Variants in NOL4L observed in about 807,000 individuals in gnomAD.
NOL4L encodes the protein nucleolar protein 4 like.
NOL4L carries 7 observed loss-of-function variants against 64.5 expected under a neutral mutation model. That is an observed-to-expected ratio of 0.11 (90% CI 0.06 to 0.20). NOL4L has a LOEUF of 0.20. Ranked by LOEUF, NOL4L falls within the 10% of genes least tolerant of loss-of-function variation. The probability of loss-of-function intolerance (pLI) is 1.00; values close to 1 mark genes in which losing one functional copy is unlikely to be tolerated. For synonymous variants in NOL4L, 413 were observed against 401.0 expected, an observed-to-expected ratio of 1.03 and a Z score of -0.36; for missense variants, 680 against 967.1, an observed-to-expected ratio of 0.70 and a Z score of 3.94.
chr20:32,560,788 C>T (rs549177281), intron 1 of NOL4L, among the ~76,000 whole-genome samples: 2 of 152,368 alleles, frequency 1.3e-5, no homozygotes, highest in East Asian at 1.9e-4. Flanking sequence ...GGATGGGGGA[C>T]GGACAGACTG....
At chr20:32,575,257 C>A (rs187876305) in intron 1 of NOL4L, among the ~76,000 whole-genome samples, 3 of 152,224 alleles carry the variant, frequency 2.0e-5, no homozygotes, top group Admixed American at 2.0e-4. Context: ...CCCTTCAGGA[C>A]CCCACTGTGG....
At position 32,452,222 on chromosome 20, in the gene NOL4L, C is replaced by T. The variant is rs776178605; in HGVS notation, c.1822+14G>A. 6.6e-7 allele frequency: 1 copy of T among 1,512,120 alleles called. No individual in the cohort carries two copies. The highest frequency in any genetic ancestry group is 1.3e-5 in the South Asian group (1 of 75,554). 93.7% of individuals were successfully genotyped at this position (1,512,120 alleles called of 1,614,324 possible). ...CTGGTCGGGAAGCCAGAGCCCAGGC[C>T]TCCCCCGACTCACCATTACTGTGGT... On this transcript the variant is annotated intron_variant, in intron 10 of 10. Transcript: ENST00000621426.
At chr20:32,500,576 C>A (rs1051089305) in intron 4 of NOL4L, among the ~76,000 whole-genome samples, 6 of 134,426 alleles carry the variant, frequency 4.5e-5, no homozygotes, top group African/African-American at 1.3e-4. Flanking sequence ...ATGGTTTCAT[C>A]GTGTTAGCCA....
In NOL4L at chr20:32,509,986, G is replaced by A. The variant is rs577308809; in HGVS notation, c.699+1361C>T. On this transcript the variant is annotated intron_variant, in intron 4 of 10. Transcript: ENST00000621426. The stretch of plus-strand genomic sequence containing the variant: ...AGATTGCTCTTCAGTGGCAGTGAGA[G>A]GAGACCTAATGCAGAGGCTGCACAG... 1.0e-3 allele frequency: 1,294 copies of A among 1,280,226 alleles called. 1 individual carries two copies. The highest frequency in any genetic ancestry group is 1.1e-3 in the Non-Finnish European group (1,039 of 967,482). The allele number at this position is 1,280,226 out of a possible 1,614,324, so 79.3% of individuals were successfully genotyped here.
intron 1 of NOL4L, among the ~76,000 whole-genome samples, chr20:32,536,828 G>C (rs1322451948): frequency 1.7e-5 from 2 of 117,714 alleles, no homozygotes; most frequent in African/African-American, 7.0e-5. Context: ...CAACGGGGCG[G>C]GGGGGGGACA....
intron 4 of NOL4L, among the ~76,000 whole-genome samples, chr20:32,479,771 T>C (rs2015609444): frequency 6.6e-6 from 1 of 152,172 alleles, no homozygotes; most frequent in Admixed American, 6.5e-5. Context: ...CAAAGCCAAA[T>C]GCTCTTCTGA....
chr20:32,469,404 CTT>C (rs1383360445), intron 5 of NOL4L, among the ~76,000 whole-genome samples: 3 of 145,718 alleles, frequency 2.1e-5, no homozygotes, highest in African/African-American at 7.6e-5. Context: ...GAGTTTTGCT[CTT>C]GTTACTCAGG....
chr20:32,532,955 C>G (rs1418433566), intron 1 of NOL4L, among the ~76,000 whole-genome samples: 1 of 152,138 alleles, frequency 6.6e-6, no homozygotes, highest in African/African-American at 2.4e-5. Flanking sequence ...CCTGCCAGAG[C>G]CAGGCCAACA....
chr20:32,545,694 T>A (rs2018722550), intron 1 of NOL4L, among the ~76,000 whole-genome samples: 1 of 152,156 alleles, frequency 6.6e-6, no homozygotes, highest in Admixed American at 6.5e-5. Flanking sequence ...ATCCCATCCA[T>A]CAGCAAGTTC....
At chr20:32,523,421 G>T (rs2018014435) in intron 2 of NOL4L, among the ~76,000 whole-genome samples, 1 of 152,166 alleles carries the variant, frequency 6.6e-6, no homozygotes, top group African/African-American at 2.4e-5. Flanking sequence ...CCTTCAGCAG[G>T]CATCTTCTGA....
At chr20:32,545,802 C>T (rs1291165227) in intron 1 of NOL4L, among the ~76,000 whole-genome samples, 5 of 152,150 alleles carry the variant, frequency 3.3e-5, no homozygotes, top group African/African-American at 4.8e-5. Context: ...GTTATTCTAG[C>T]GTGCTGAGTC....
At position 32,444,752 on chromosome 20, in the gene NOL4L, A is replaced by T. The variant is rs191323258; in HGVS notation, c.*2844T>A. The T allele has an allele frequency of 6.6e-6, 1 of 152,206 alleles. No homozygotes were observed. Among genetic ancestry groups the T allele is most frequent in the Non-Finnish European group, 1.5e-5 (1 of 68,038 alleles). The allele number at this position is 152,206 out of a possible 1,614,324, so 9.4% of individuals were successfully genotyped here. A position where few individuals can be genotyped will look rare whatever the true frequency, so the allele number is the denominator to read the frequency against. ...TTTCCTTTTTAACTTAGGATCCCAA[A>T]TGATCACTTTGTGCCCTGAGGCCCT... On this transcript the variant is annotated 3_prime_UTR_variant, in exon 11 of 11. Transcript: ENST00000621426.
At chr20:32,475,429 G>T in intron 4 of NOL4L, 2 of 713,968 alleles carry the variant, frequency 2.8e-6, no homozygotes, top group South Asian at 1.3e-4. Flanking sequence ...GGGCCTGGGG[G>T]GCCGCCAGGG....
intron 1 of NOL4L, among the ~76,000 whole-genome samples, chr20:32,538,301 A>G (rs2018587182): frequency 2.6e-5 from 4 of 152,096 alleles, no homozygotes; most frequent in Non-Finnish European, 4.4e-5. Context: ...CCCACCCACA[A>G]TCAGGCCCAG....
chr20:32,564,564 G>C (rs1248138162), intron 1 of NOL4L, among the ~76,000 whole-genome samples: 2 of 152,202 alleles, frequency 1.3e-5, no homozygotes, highest in Non-Finnish European at 2.9e-5. Flanking sequence ...GAAACTGAGG[G>C]CAGAAAGCTA....
At position 32,463,513 on chromosome 20, in the gene NOL4L, G is replaced by A. The variant is rs535713417; in HGVS notation, c.842-7118C>T. ...GGCCCTCCCCACTGTGGCAAAGGGC[G>A]ACTCCTTCATCTGGGCAGGACCCGG... On this transcript the variant is annotated intron_variant, in intron 5 of 10. Coordinates refer to ENST00000621426, the MANE Select transcript of NOL4L (RefSeq NM_001256798.2). This position sits in a 1 kb window ranked among gnomAD's most constrained non-coding sequence, Gnocchi z 5.8. Among the ~76,000 whole-genome samples the A allele has an allele frequency of 6.6e-6, 1 of 152,202 alleles. No homozygotes were observed. Among genetic ancestry groups the A allele is most frequent in the Non-Finnish European group, 1.5e-5 (1 of 68,024 alleles).
intron 3 of NOL4L, among the ~76,000 whole-genome samples, chr20:32,520,452 G>A (rs984775269): frequency 6.6e-6 from 1 of 152,128 alleles, no homozygotes; most frequent in Non-Finnish European, 1.5e-5. Flanking sequence ...CCAGACCCTC[G>A]TGCATGGAGA....
At chr20:32,495,950 T>TG (rs1192050162) in intron 4 of NOL4L, among the ~76,000 whole-genome samples, 1 of 152,066 alleles carries the variant, frequency 6.6e-6, no homozygotes, top group Non-Finnish European at 1.5e-5. Context: ...AGATGACTCG[T>TG]GGGGCAGAGG....
chr20:32,455,636 T>C (rs1038210370), intron 6 of NOL4L, among the ~76,000 whole-genome samples: 4 of 152,116 alleles, frequency 2.6e-5, no homozygotes, highest in African/African-American at 9.7e-5. Flanking sequence ...GTGCCCACCC[T>C]TACCACCGTC....
Sources: gnomAD v4.1 joint callset for allele counts (sites outside exome capture counted in the v4.1 genomes callset) on GRCh38, gnomAD v4.1.1 for gene constraint, Gnocchi (gnomAD v3.1) non-coding constraint, MANE v1.5 for transcripts, NCBI Gene and HGNC (gene_info 2026-07-23, HGNC 2026-07-21) for gene names.